The following POLA1 variants were observed in gnomAD, a reference collection of about 807,000 sequenced individuals.
The protein encoded by POLA1 is DNA polymerase alpha 1, catalytic subunit, also known as DNA polymerase alpha catalytic subunit.
In POLA1, 15 loss-of-function variants were observed where a neutral mutation model predicts 124.0. That is an observed-to-expected ratio of 0.12 (90% CI 0.08 to 0.19). POLA1 has a LOEUF of 0.19. Among genes scored for constraint, POLA1 ranks in the 10% least tolerant of loss-of-function variants. The pLI, the probability that POLA1 is intolerant of heterozygous loss-of-function variation, is 1.00. For synonymous variants in POLA1, 408 were observed against 389.4 expected, an observed-to-expected ratio of 1.05 and a Z score of -0.56; for missense variants, 886 against 1,103.4, an observed-to-expected ratio of 0.80 and a Z score of 2.79.
chrX:24,712,418 C>A (rs1929522930), intron 4 of POLA1, among the ~76,000 whole-genome samples: 1 of 112,142 alleles, frequency 8.9e-6, no homozygotes, highest in Non-Finnish European at 1.9e-5. Flanking sequence ...TGAAATTGAT[C>A]ATCTTTTCAT....
At chrX:24,697,692 G>A (rs1315424884) in intron 1 of POLA1, among the ~76,000 whole-genome samples, 1 of 111,620 alleles carries the variant, frequency 9.0e-6, no homozygotes, top group Non-Finnish European at 1.9e-5. Context: ...CAAACACTTA[G>A]TCAAGCAGCT....
Position 24,890,855 on chromosome X carries a change from A to G in POLA1, c.4164+2733A>G, listed in dbSNP as rs1165347046. On this transcript the variant is annotated intron_variant, in intron 35 of 36. Coordinates refer to ENST00000379068, the MANE Select transcript of POLA1 (RefSeq NM_001330360.2). Reference sequence around the variant, plus strand: ...TCAAGACTTGCATCAGCAGGTGCAGAGAGAGAACAAAAGTGTATGTATTTA... The same window carrying G: ...TCAAGACTTGCATCAGCAGGTGCAGGGAGAGAACAAAAGTGTATGTATTTA... Among the ~76,000 whole-genome samples the G allele has an allele frequency of 2.7e-5, 3 of 112,547 alleles. No individual in the cohort carries two copies. The East Asian group carries it at 8.4e-4, about 31-fold the overall frequency.
In POLA1 at chrX:24,861,533, A is replaced by G. The variant is rs2046716114; in HGVS notation, c.4047+17856A>G. ...ATAGGAACAACTCATTTTCTAAACT[A>G]ATGCTTTACCTGGTTCTCTGGTAAT... is the stretch of plus-strand genomic sequence containing the variant. On this transcript the variant is annotated intron_variant, in intron 34 of 36. Coordinates refer to ENST00000379068, the MANE Select transcript of POLA1 (RefSeq NM_001330360.2). 7.1e-5 allele frequency among the ~76,000 whole-genome samples: 8 copies of G among 112,746 alleles called. No individual in the cohort carries two copies. The South Asian group carries it at 2.6e-3, about 36-fold the overall frequency.
At chrX:24,871,450 A>T (rs1184961527) in intron 34 of POLA1, among the ~76,000 whole-genome samples, 2 of 112,421 alleles carry the variant, frequency 1.8e-5, no homozygotes, top group African/African-American at 6.5e-5. Flanking sequence ...ACTTGAATGA[A>T]AACAGTAGTA....
rs752393487 is a variant in POLA1 at position 24,704,383 on chromosome X, C to T, written c.266-6C>T. ...TTGATCCCAGTATTAAATTTTGTCC[C>T]TGCAGATGGTATTGGCTATGTGGAA... On this transcript the variant is annotated splice_region_variant and splice_polypyrimidine_tract_variant and intron_variant, in intron 3 of 36. Coordinates refer to ENST00000379068, the MANE Select transcript of POLA1 (RefSeq NM_001330360.2). 2.9e-5 allele frequency: 34 copies of T among 1,179,813 alleles called. No individual in the cohort carries two copies. In the Admixed American group the frequency reaches 7.0e-4, roughly 24 times the overall value.
At chrX:24,816,663 A>G (rs939841769) in intron 30 of POLA1, among the ~76,000 whole-genome samples, 12 of 111,963 alleles carry the variant, frequency 1.1e-4, no homozygotes, top group African/African-American at 2.9e-4. Flanking sequence ...TCAATTCTGC[A>G]TATTGTATCC....
chrX:24,749,211 A>G (rs1932186202), intron 26 of POLA1, among the ~76,000 whole-genome samples: 2 of 105,911 alleles, frequency 1.9e-5, no homozygotes, highest in South Asian at 8.9e-4. Flanking sequence ...CATGCCAGGC[A>G]TTGTTCTAGG....
chrX:24,867,667 A>G (rs2046812210), intron 34 of POLA1, among the ~76,000 whole-genome samples: 1 of 111,916 alleles, frequency 8.9e-6, no homozygotes, highest in African/African-American at 3.2e-5. Context: ...TGGTAATGAA[A>G]ATATAATTTA....
intron 34 of POLA1, among the ~76,000 whole-genome samples, chrX:24,882,684 GGTGTGTGT>G (rs57530564): frequency 4.9e-3 from 427 of 87,568 alleles, no homozygotes; most frequent in Non-Finnish European, 4.9e-3. Flanking sequence ...TATATTCCAT[GGTGTGTGT>G]GTGTGTGTGT....
intron 26 of POLA1, among the ~76,000 whole-genome samples, chrX:24,773,011 A>G (rs1484627951): frequency 8.9e-5 from 10 of 112,037 alleles, no homozygotes; most frequent in Non-Finnish European, 1.9e-4. Context: ...TTTACTAGCA[A>G]TGTGTGAAAG....
intron 32 of POLA1, among the ~76,000 whole-genome samples, chrX:24,832,517 T>C (rs1189150158): frequency 1.8e-5 from 2 of 112,476 alleles, no homozygotes; most frequent in Admixed American, 9.4e-5. Flanking sequence ...GTATGAGTTA[T>C]GTAACAACTC....
chrX:24,869,435 T>C (rs969349138), intron 34 of POLA1, among the ~76,000 whole-genome samples: 11 of 111,664 alleles, frequency 9.9e-5, no homozygotes, highest in African/African-American at 3.6e-4. Context: ...GATCTTTGAG[T>C]TGGCTCCTGC....
intron 36 of POLA1, among the ~76,000 whole-genome samples, chrX:24,986,370 C>A (rs1286246750): frequency 9.0e-6 from 1 of 110,771 alleles, no homozygotes; most frequent in Non-Finnish European, 1.9e-5. Flanking sequence ...TAGTGATCAA[C>A]CAGTTAAGAT....
At chrX:24,863,456 C>A (rs1369410458) in intron 34 of POLA1, among the ~76,000 whole-genome samples, 1 of 111,643 alleles carries the variant, frequency 9.0e-6, no homozygotes, top group Admixed American at 9.5e-5. Flanking sequence ...AGTTTCCCAT[C>A]GAAATGCCCA....
intron 34 of POLA1, among the ~76,000 whole-genome samples, chrX:24,860,940 C>G (rs1810297585): frequency 8.9e-6 from 1 of 111,741 alleles, no homozygotes. Flanking sequence ...CCTGTCCCCA[C>G]CACCACTCTC....
In POLA1 at chrX:24,726,142, T is replaced by C. The variant is rs41304721; in HGVS notation, c.1392+87T>C. The C allele has an allele frequency of 2.8e-4, 159 of 570,684 alleles. 1 individual carries two copies. The highest frequency in any genetic ancestry group is 4.5e-4 in the Non-Finnish European group (153 of 341,397). The allele number at this position is 570,684 out of a possible 1,213,427, so 47.0% of individuals were successfully genotyped here. A position where few individuals can be genotyped will look rare whatever the true frequency, so the allele number is the denominator to read the frequency against. ...CTTTCAACTGACTTTCAGTTACGAGTATTGGCAGGGCTTCTCAAGCCCACA... is the reference window on the plus strand; with the variant it reads ...CTTTCAACTGACTTTCAGTTACGAGCATTGGCAGGGCTTCTCAAGCCCACA... On this transcript the variant is annotated intron_variant, in intron 13 of 36. Coordinates refer to ENST00000379068, the MANE Select transcript of POLA1 (RefSeq NM_001330360.2).
rs1285327717 is a variant in POLA1, at chrX:24,821,498, C to G, written c.3476C>G (p.Pro1159Arg). Residue 1159 changes from proline to arginine, a missense_variant, in exon 31 of 37, where the codon CCT (proline) becomes CGT (arginine). Physicochemically the swap from Pro to Arg is moderately radical, Grantham distance 103. Coordinates refer to ENST00000379068, the MANE Select transcript of POLA1 (RefSeq NM_001330360.2). ...PQDYPDKKSL[P>R]HVHVALWINS... ...GATTACCCTGATAAAAAAAGCCTAC[C>G]TCATGTACATGTTGCCCTCTGGATA... 1 of 1,199,446 alleles carries G rather than the reference C, an allele frequency of 8.3e-7. No individual in the cohort carries two copies. The highest frequency in any genetic ancestry group is 1.1e-6 in the Non-Finnish European group (1 of 885,941).
chrX:24,762,292 A>G (rs1932810381), intron 26 of POLA1, among the ~76,000 whole-genome samples: 1 of 112,068 alleles, frequency 8.9e-6, no homozygotes. Context: ...TTAAGCATTC[A>G]AGGACCTTGT....
intron 35 of POLA1, among the ~76,000 whole-genome samples, chrX:24,928,990 TTCC>T (rs2047733974): frequency 8.9e-6 from 1 of 111,948 alleles, no homozygotes; most frequent in Non-Finnish European, 1.9e-5. Context: ...TGTGGGTTTG[TTCC>T]TGCTACCGAA....
Sources: gnomAD v4.1 joint callset for allele counts (sites outside exome capture counted in the v4.1 genomes callset) on GRCh38, gnomAD v4.1.1 for gene constraint, MANE v1.5 for transcripts, NCBI Gene and HGNC (gene_info 2026-07-23, HGNC 2026-07-21) for gene names.